Variants in LSM5 observed in about 807,000 individuals in gnomAD.
The protein encoded by LSM5 is U6 snRNA-associated Sm-like protein LSm5.
Under a neutral mutation model 13.8 loss-of-function variants are expected in LSM5, and 8 were observed. The ratio of observed to expected loss-of-function variants is 0.58; its 90% CI spans 0.34 to 1.04. LSM5 has a LOEUF of 1.04. Among genes scored for constraint, LSM5 ranks in the 50% least tolerant of loss-of-function variants. The pLI is 0.03. For synonymous variants in LSM5, 35 were observed against 37.0 expected (o/e 0.95, Z 0.20); for missense variants, 80 against 108.1 (o/e 0.74, Z 1.15).
chr7:32,487,153 G>C lies in LSM5; in HGVS notation c.*108C>G, dbSNP rs567330101. The C allele has an allele frequency of 1.1e-6, 1 of 951,436 alleles. No homozygotes were observed. The highest frequency in any genetic ancestry group is 2.6e-5 in the East Asian group (1 of 38,998). 58.9% of individuals were successfully genotyped at this position (951,436 alleles called of 1,614,324 possible). On this transcript the variant is annotated 3_prime_UTR_variant, in exon 5 of 5. Transcript: ENST00000450169. The stretch of plus-strand genomic sequence containing the variant: ...CATCTTCAAAGCACTTCCCTTTAAC[G>C]GGAAACTTAGCTTTATGGGATTTAA...
chr7:32,494,643 A>G (rs776850351), upstream of LSM5, among the ~76,000 whole-genome samples: 1 of 152,230 alleles, frequency 6.6e-6, no homozygotes, highest in Non-Finnish European at 1.5e-5. Context: ...TGCACTTTAA[A>G]TTGACATGAG....
chr7:32,490,052 A>G (rs2128106156), intron 1 of LSM5: 1 of 1,440,122 alleles, frequency 6.9e-7, no homozygotes, highest in Non-Finnish European at 9.2e-7. Flanking sequence ...CGGGCTCACA[A>G]CAAAGTAGGC....
rs1182830879 is a variant in LSM5, at chr7:32,486,232, G to C, written c.*1029C>G. 1 of 152,112 alleles carries C rather than the reference G, an allele frequency of 6.6e-6. No homozygotes were observed. Among genetic ancestry groups the C allele is most frequent in the Non-Finnish European group, 1.5e-5 (1 of 68,036 alleles). The allele number at this position is 152,112 out of a possible 1,614,324, so 9.4% of individuals were successfully genotyped here. Reference sequence around the variant, plus strand: ...GTAAGAATAGGCTAAATAATTTATAGTAAATCCATTTAATACTATGTACAT... The same window carrying C: ...GTAAGAATAGGCTAAATAATTTATACTAAATCCATTTAATACTATGTACAT... On this transcript the variant is annotated 3_prime_UTR_variant, in exon 5 of 5. Coordinates refer to ENST00000450169, the MANE Select transcript of LSM5 (RefSeq NM_012322.3).
Position 32,489,232 on chromosome 7 carries a change from A to G in LSM5, c.142+17T>C, listed in dbSNP as rs375293396. On this transcript the variant is annotated intron_variant, in intron 2 of 4. Transcript: ENST00000450169. ...CTTAAGAAAAACCTATACCACCACC[A>G]CCTTTTAAAAGGATACTGACAAAGT... The G allele has an allele frequency of 1.7e-5, 22 of 1,314,662 alleles. No individual in the cohort carries two copies. In the African/African-American group the frequency reaches 3.2e-4, roughly 19 times the overall value. 81.4% of individuals were successfully genotyped at this position (1,314,662 alleles called of 1,614,324 possible).
At chr7:32,490,262 C>G in intron 1 of LSM5, 58 bp downstream of exon 1, 1 of 1,613,994 alleles carries the variant, frequency 6.2e-7, no homozygotes, top group Non-Finnish European at 8.5e-7. Flanking sequence ...AACAGCCCCT[C>G]GGCCCCCAAT....
At chr7:32,491,951 C>T (rs1274248406), upstream of LSM5, among the ~76,000 whole-genome samples, 2 of 9,140 alleles carry the variant, frequency 2.2e-4, no homozygotes, top group Non-Finnish European at 4.1e-4. Context: ...CACTGTAGGG[C>T]GCCTAATGAA....
At chr7:32,493,516 C>T (rs1416505117), upstream of LSM5, among the ~76,000 whole-genome samples, 1 of 134,124 alleles carries the variant, frequency 7.5e-6, no homozygotes, top group Non-Finnish European at 1.7e-5. Flanking sequence ...TTCCCAGTAA[C>T]TAACTTTTTC....
chr7:32,487,207 T>C lies in LSM5; in HGVS notation c.*54A>G. 2.0e-6 allele frequency: 3 copies of C among 1,537,296 alleles called. No individual in the cohort carries two copies. The highest frequency in any genetic ancestry group is 2.7e-6 in the Non-Finnish European group (3 of 1,112,590). On this transcript the variant is annotated 3_prime_UTR_variant, in exon 5 of 5. Transcript: ENST00000450169. ...TTAGAAAGTGGGAAAAAAAATTCCATTTTCTTGTCATTATAAGCCAAAACA... is the reference window on the plus strand; with the variant it reads ...TTAGAAAGTGGGAAAAAAAATTCCACTTTCTTGTCATTATAAGCCAAAACA...
rs757605911 is a variant in LSM5, at chr7:32,490,333, C to A, written c.33G>T (p.Gln11His). ...GACGGCGATTACCTAAGGGCAGCAG[C>A]TGCGACGGGTTGGTAGTAGCGTTAG... MAANATTNPS[Q>H]LLPLELVDKC... Residue 11 changes from glutamine to histidine, a missense_variant, in exon 1 of 5, where the codon CAG (glutamine) becomes CAT (histidine). Transcript: ENST00000450169. The A allele has an allele frequency of 1.2e-6, 2 of 1,614,090 alleles. No individual in the cohort carries two copies. Among genetic ancestry groups the A allele is most frequent in the African/African-American group, 2.7e-5 (2 of 74,946 alleles).
At position 32,487,189 on chromosome 7, in the gene LSM5, G is replaced by C. The variant is rs1401691571; in HGVS notation, c.*72C>G. 7.4e-7 allele frequency: 1 copy of C among 1,360,188 alleles called. No individual in the cohort carries two copies. Among genetic ancestry groups the C allele is most frequent in the Non-Finnish European group, 1.0e-6 (1 of 954,110 alleles). The allele number at this position is 1,360,188 out of a possible 1,614,324, so 84.3% of individuals were successfully genotyped here. A position where few individuals can be genotyped will look rare whatever the true frequency, so the allele number is the denominator to read the frequency against. ...CTTTATGGGATTTAAACATTAGAAAGTGGGAAAAAAAATTCCATTTTCTTG... is the reference window on the plus strand; with the variant it reads ...CTTTATGGGATTTAAACATTAGAAACTGGGAAAAAAAATTCCATTTTCTTG... On this transcript the variant is annotated 3_prime_UTR_variant, in exon 5 of 5. Coordinates refer to ENST00000450169, the MANE Select transcript of LSM5 (RefSeq NM_012322.3).
intron 3 of LSM5, 92 bp from the exon 4 acceptor site, chr7:32,487,849 TG>T: frequency 1.4e-6 from 1 of 699,696 alleles, no homozygotes; most frequent in Admixed American, 2.1e-5. Flanking sequence ...AGGTTATCCT[TG>T]TATACAAATT....
upstream of LSM5, among the ~76,000 whole-genome samples, chr7:32,491,483 A>T (rs537669040): frequency 2.6e-5 from 4 of 151,882 alleles, no homozygotes; most frequent in Non-Finnish European, 4.4e-5. Flanking sequence ...GTCATTAAGC[A>T]CCCATCATTC....
At chr7:32,490,237 C>G (rs775818653) in intron 1 of LSM5, 83 bp downstream of exon 1, 1 of 1,612,876 alleles carries the variant, frequency 6.2e-7, no homozygotes, top group Non-Finnish European at 8.5e-7. Flanking sequence ...CACACTCGGC[C>G]AGGGCCTGCC....
chr7:32,489,674 A>C, intron 1 of LSM5: 1 of 301,258 alleles, frequency 3.3e-6, no homozygotes, highest in Non-Finnish European at 6.3e-6. Flanking sequence ...CCCTTTCCCA[A>C]CTCTGTCTAT....
At chr7:32,488,491 C>A in intron 3 of LSM5, 134 bp downstream of exon 3, 1 of 653,816 alleles carries the variant, frequency 1.5e-6, no homozygotes, top group Admixed American at 2.7e-5. Context: ...ATTTTACAAG[C>A]AAACAGATAA....
upstream of LSM5, chr7:32,494,967 A>T (rs2128107109): frequency 6.6e-6 from 1 of 152,326 alleles, no homozygotes. Context: ...AGTAATTTAA[A>T]GGCTGAATAC....
chr7:32,489,980 TAATCTGGGGATCGTA>T (rs1402120326), intron 1 of LSM5: 1 of 1,238,400 alleles, frequency 8.1e-7, no homozygotes, highest in African/African-American at 1.5e-5. Context: ...ATGGTCTATC[TAATCTGGGGATCGTA>T]AACGCCAGGC....
rs1442592555 is a variant in LSM5 at position 32,485,989 on chromosome 7, G to A, written c.*1272C>T. ...AAAAGGAAAAGAAAACTTTAGACAT[G>A]CCCGGTTTTCTTGTAAAAATGGCAA... On this transcript the variant is annotated 3_prime_UTR_variant, in exon 5 of 5. Coordinates refer to ENST00000450169, the MANE Select transcript of LSM5 (RefSeq NM_012322.3). The A allele has an allele frequency of 6.7e-6, 1 of 149,952 alleles. No homozygotes were observed. Among genetic ancestry groups the A allele is most frequent in the East Asian group, 1.9e-4 (1 of 5,158 alleles). The allele number at this position is 149,952 out of a possible 1,614,324, so 9.3% of individuals were successfully genotyped here. A position where few individuals can be genotyped will look rare whatever the true frequency, so the allele number is the denominator to read the frequency against.
In LSM5 at chr7:32,487,773, A is replaced by C. The variant is rs1374320058; in HGVS notation, c.171-16T>G. 3 of 1,268,698 alleles carry C rather than the reference A, an allele frequency of 2.4e-6. No individual in the cohort carries two copies. The East Asian group carries it at 6.9e-5, about 29-fold the overall frequency. 78.6% of individuals were successfully genotyped at this position (1,268,698 alleles called of 1,614,324 possible). A position where few individuals can be genotyped will look rare whatever the true frequency, so the allele number is the denominator to read the frequency against. On this transcript the variant is annotated splice_polypyrimidine_tract_variant and intron_variant, in intron 3 of 4. Transcript: ENST00000450169. ...TGTGATTTCACTAAATGAATAGATA[A>C]AATACAGTCAGGACAAACAGTGAAA...
Sources: gnomAD v4.1 joint callset for allele counts (sites outside exome capture counted in the v4.1 genomes callset) on GRCh38, gnomAD v4.1.1 for gene constraint, MANE v1.5 for transcripts, NCBI Gene and HGNC (gene_info 2026-07-23, HGNC 2026-07-21) for gene names.